CAMK1D: variants seen among roughly 807,000 people sequenced by gnomAD.
CAMK1D encodes calcium/calmodulin dependent protein kinase ID.
A neutral mutation model predicts 47.7 loss-of-function variants in CAMK1D; 9 were observed. That is an observed-to-expected ratio of 0.19 (90% CI 0.11 to 0.33). The LOEUF is 0.33. Among genes scored for constraint, CAMK1D ranks in the 10% least tolerant of loss-of-function variants. The probability of loss-of-function intolerance (pLI) is 1.00; values close to 1 mark genes in which losing one functional copy is unlikely to be tolerated. For missense variants in CAMK1D, 291 were observed against 488.7 expected (o/e 0.60, Z 3.81); for synonymous variants, 184 against 184.9 (o/e 0.99, Z 0.04).
chr10:12,458,568 T>C (rs867775110), intron 1 of CAMK1D, among the ~76,000 whole-genome samples: 1 of 151,786 alleles, frequency 6.6e-6, no homozygotes, highest in Non-Finnish European at 1.5e-5. Context: ...AGGTGTGTGC[T>C]GTCATGCCCA....
At chr10:12,798,395 G>T (rs1838284544) in intron 6 of CAMK1D, among the ~76,000 whole-genome samples, 1 of 152,226 alleles carries the variant, frequency 6.6e-6, no homozygotes, top group South Asian at 2.1e-4. Context: ...CTTACTGTCT[G>T]CTGGAGGTGA....
At chr10:12,739,172 G>T (rs1835310554) in intron 3 of CAMK1D, among the ~76,000 whole-genome samples, 1 of 152,094 alleles carries the variant, frequency 6.6e-6, no homozygotes, top group Admixed American at 6.5e-5. Flanking sequence ...AGAAGGCGGA[G>T]ATTGCAGTGA....
chr10:12,421,209 A>G (rs1279738677), intron 1 of CAMK1D, among the ~76,000 whole-genome samples: 2 of 152,196 alleles, frequency 1.3e-5, no homozygotes, highest in Non-Finnish European at 2.9e-5. Context: ...TAGGATAGGA[A>G]TCCCTTTCTC....
At chr10:12,540,604 T>C (rs1478938476) in intron 1 of CAMK1D, among the ~76,000 whole-genome samples, 1 of 152,236 alleles carries the variant, frequency 6.6e-6, no homozygotes, top group South Asian at 2.1e-4. Flanking sequence ...ACAAGTATTG[T>C]CATAACCTAG....
chr10:12,799,820 T>C (rs1838352017), intron 6 of CAMK1D, among the ~76,000 whole-genome samples: 1 of 152,182 alleles, frequency 6.6e-6, no homozygotes, highest in African/African-American at 2.4e-5. Context: ...AATCAAAATG[T>C]GGATTTTGCT....
At chr10:12,578,397 C>T (rs943426727) in intron 2 of CAMK1D, among the ~76,000 whole-genome samples, 6 of 151,872 alleles carry the variant, frequency 4.0e-5, no homozygotes, top group Non-Finnish European at 8.8e-5. Context: ...ATGGAGAAAC[C>T]CCGTCTCTAC....
At chr10:12,363,044 A>T (rs1297037358) in intron 1 of CAMK1D, among the ~76,000 whole-genome samples, 1 of 150,368 alleles carries the variant, frequency 6.7e-6, no homozygotes, top group African/African-American at 2.4e-5. Flanking sequence ...GGGTACAAGC[A>T]ATTCTCCTGT....
At chr10:12,473,323 A>G (rs1336427979) in intron 1 of CAMK1D, among the ~76,000 whole-genome samples, 2 of 152,068 alleles carry the variant, frequency 1.3e-5, no homozygotes, top group Admixed American at 1.3e-4. Flanking sequence ...AATTCCAGCT[A>G]CTCGGAAGGC....
chr10:12,638,019 G>C (rs562395629), intron 2 of CAMK1D, among the ~76,000 whole-genome samples: 2 of 152,258 alleles, frequency 1.3e-5, no homozygotes, highest in African/African-American at 2.4e-5. Flanking sequence ...AGTGACCACA[G>C]GCAGCTGAAT....
chr10:12,781,764 G>T (rs1837507864), intron 5 of CAMK1D, among the ~76,000 whole-genome samples: 1 of 150,928 alleles, frequency 6.6e-6, no homozygotes, highest in South Asian at 2.1e-4. Flanking sequence ...CGATTCTCCT[G>T]CCTCATCCTC....
chr10:12,387,424 ATTTTATATAT>A (rs1564307074), intron 1 of CAMK1D, among the ~76,000 whole-genome samples: 1 of 73,110 alleles, frequency 1.4e-5, no homozygotes. Context: ...TATTTTATAT[ATTTTATATAT>A]TATATATATT....
At chr10:12,672,902 T>TTTTTTTTTG (rs1840674009) in intron 3 of CAMK1D, among the ~76,000 whole-genome samples, 1 of 147,632 alleles carries the variant, frequency 6.8e-6, no homozygotes, top group African/African-American at 2.5e-5. Context: ...TTGCCTTTTT[T>TTTTTTTTTG]TTTTTTTTTT....
At chr10:12,394,603 C>G (rs2724805) in intron 1 of CAMK1D, among the ~76,000 whole-genome samples, 32,987 of 152,096 alleles carry the variant, frequency 0.22, 4,065 homozygotes, top group East Asian at 0.35. Flanking sequence ...CTAGGAGCCA[C>G]AGGCAGACAC....
chr10:12,781,226 T>G (rs1837478553), intron 5 of CAMK1D, among the ~76,000 whole-genome samples: 1 of 152,242 alleles, frequency 6.6e-6, no homozygotes, highest in Admixed American at 6.5e-5. Context: ...AACCCTGGAA[T>G]GACTACGGCA....
chr10:12,806,191 G>A (rs189017740), intron 6 of CAMK1D, among the ~76,000 whole-genome samples: 11 of 152,286 alleles, frequency 7.2e-5, no homozygotes, highest in Admixed American at 3.9e-4. Flanking sequence ...GACCTTTTCT[G>A]GGTATTTTTT....
chr10:12,683,741 GGTGTGTGTGT>G (rs10554443), intron 3 of CAMK1D, among the ~76,000 whole-genome samples: 225 of 144,964 alleles, frequency 1.6e-3, no homozygotes, highest in South Asian at 6.0e-3. Flanking sequence ...TAGGAATCCA[GGTGTGTGTGT>G]GTGTGTGTGT....
Position 12,827,467 on chromosome 10 carries a change from TG to T in CAMK1D, c.1040-1301del, listed in dbSNP as rs1399743367. Among the ~76,000 whole-genome samples, 25 of 12,038 alleles carry T rather than the reference TG, an allele frequency of 2.1e-3. 5 individuals are homozygous for T. Among genetic ancestry groups the T allele is most frequent in the African/African-American group, 4.7e-3 (21 of 4,488 alleles). 7.9% of individuals were successfully genotyped at this position (12,038 alleles called of 152,430 possible). On this transcript the variant is annotated intron_variant, in intron 10 of 10. Transcript: ENST00000619168. ...TCTTTCTTTCTTTTCTTTCTTTGTCTGTCTGTCTTTCTTTCTTTCTTTCTTT... is the reference window on the plus strand; with the variant it reads ...TCTTTCTTTCTTTTCTTTCTTTGTCTTCTGTCTTTCTTTCTTTCTTTCTTT...
At chr10:12,440,277 TC>T (rs1164883924) in intron 1 of CAMK1D, among the ~76,000 whole-genome samples, 2 of 136,338 alleles carry the variant, frequency 1.5e-5, no homozygotes, top group Non-Finnish European at 3.1e-5. Context: ...TATACGTTAG[TC>T]TTTTTGGATT....
At chr10:12,784,463 G>C (rs1225101365) in intron 5 of CAMK1D, among the ~76,000 whole-genome samples, 2 of 152,150 alleles carry the variant, frequency 1.3e-5, no homozygotes, top group African/African-American at 4.8e-5. Context: ...CTCCCAAAGT[G>C]CTGGGATTAC....
Sources: gnomAD v4.1 joint callset for allele counts (sites outside exome capture counted in the v4.1 genomes callset) on GRCh38, gnomAD v4.1.1 for gene constraint, MANE v1.5 for transcripts, NCBI Gene and HGNC (gene_info 2026-07-23, HGNC 2026-07-21) for gene names.